The following NUBPL variants were observed in gnomAD, a reference collection of about 807,000 sequenced individuals.
NUBPL encodes the protein iron-sulfur cluster transfer protein NUBPL.
In NUBPL, 31 loss-of-function variants were observed where a neutral mutation model predicts 45.7. The ratio of observed to expected loss-of-function variants is 0.68; its 90% confidence interval spans 0.51 to 0.92. NUBPL has a LOEUF of 0.92. NUBPL is among the 40% of genes least tolerant of loss of function. NUBPL has a pLI of 0.00. For missense variants in NUBPL, 401 were observed against 398.7 expected (o/e 1.01, Z -0.05); for synonymous variants, 144 against 140.9 (o/e 1.02, Z -0.15).
intron 6 of NUBPL, among the ~76,000 whole-genome samples, chr14:31,712,234 G>A (rs1218970560): frequency 4.6e-5 from 7 of 152,164 alleles, no homozygotes; most frequent in Non-Finnish European, 1.0e-4. Flanking sequence ...TAGACACAGA[G>A]CGCTGATTGG....
intron 6 of NUBPL, among the ~76,000 whole-genome samples, chr14:31,701,422 C>T (rs1314764234): frequency 6.6e-6 from 1 of 152,226 alleles, no homozygotes; most frequent in Non-Finnish European, 1.5e-5. Context: ...TGGGTGGGGT[C>T]AGATAAGGGA....
chr14:31,756,808 G>T (rs1196776998), intron 6 of NUBPL, among the ~76,000 whole-genome samples: 1 of 151,924 alleles, frequency 6.6e-6, no homozygotes, highest in East Asian at 1.9e-4. Context: ...TCCAGTTTTT[G>T]CCCATTCAGT....
intron 6 of NUBPL, chr14:31,703,031 A>G (rs1054533104): frequency 6.6e-6 from 1 of 152,238 alleles, no homozygotes; most frequent in African/African-American, 2.4e-5. Flanking sequence ...ACTGTCTACT[A>G]GAGATTTAGG....
chr14:31,588,680 G>C (rs1400634057), intron 3 of NUBPL, among the ~76,000 whole-genome samples: 1 of 151,848 alleles, frequency 6.6e-6, no homozygotes, highest in African/African-American at 2.4e-5. Flanking sequence ...ACGTTGGGAG[G>C]CCAAGGTGGG....
chr14:31,830,042 C>T (rs2040165297), intron 8 of NUBPL, among the ~76,000 whole-genome samples: 1 of 152,184 alleles, frequency 6.6e-6, no homozygotes, highest in Non-Finnish European at 1.5e-5. Context: ...TGGAGCCCTT[C>T]TCCTACCATT....
chr14:31,705,779 C>T (rs12589227), intron 6 of NUBPL, among the ~76,000 whole-genome samples: 1 of 152,052 alleles, frequency 6.6e-6, no homozygotes, highest in Admixed American at 6.5e-5. Context: ...GGCTTCACCT[C>T]TCAATGGCAG....
intron 6 of NUBPL, among the ~76,000 whole-genome samples, chr14:31,759,960 G>A (rs529230145): frequency 6.6e-6 from 1 of 151,302 alleles, no homozygotes; most frequent in South Asian, 2.1e-4. Flanking sequence ...AATGCATTTT[G>A]ACTCACATTA....
chr14:31,735,927 A>C (rs1041385820), intron 6 of NUBPL, among the ~76,000 whole-genome samples: 2 of 152,178 alleles, frequency 1.3e-5, no homozygotes, highest in Admixed American at 1.3e-4. Flanking sequence ...TTGTATGATA[A>C]ATGTCTGAAA....
At chr14:31,838,279 CAAAAAAAA>C (rs748313330) in intron 8 of NUBPL, among the ~76,000 whole-genome samples, 18 of 60,268 alleles carry the variant, frequency 3.0e-4, no homozygotes, top group Non-Finnish European at 4.5e-4. Flanking sequence ...TAATATCCAG[CAAAAAAAA>C]AAAAAAAAAA....
At chr14:31,726,942 A>G (rs1421496919) in intron 6 of NUBPL, among the ~76,000 whole-genome samples, 1 of 152,112 alleles carries the variant, frequency 6.6e-6, no homozygotes, top group Non-Finnish European at 1.5e-5. Context: ...TAAATACTCA[A>G]CAGATATCAG....
At chr14:31,754,591 C>CT (rs59085679) in intron 6 of NUBPL, among the ~76,000 whole-genome samples, 6,691 of 103,654 alleles carry the variant, frequency 0.065, 251 homozygotes, top group Non-Finnish European at 0.091. Flanking sequence ...AGAGGGTTTT[C>CT]TTTTTTTTTT....
intron 7 of NUBPL, among the ~76,000 whole-genome samples, chr14:31,813,513 A>G (rs1461716208): frequency 6.6e-6 from 1 of 151,254 alleles, no homozygotes; most frequent in Non-Finnish European, 1.5e-5. Context: ...ACAGATATAT[A>G]TATATACACA....
At chr14:31,851,994 A>G (rs2040545386) in intron 10 of NUBPL, among the ~76,000 whole-genome samples, 1 of 152,224 alleles carries the variant, frequency 6.6e-6, no homozygotes, top group Non-Finnish European at 1.5e-5. Context: ...CAAAGATAAT[A>G]TGATTTAATA....
chr14:31,631,680 T>C (rs916124843), intron 4 of NUBPL, among the ~76,000 whole-genome samples: 20 of 152,090 alleles, frequency 1.3e-4, no homozygotes, highest in African/African-American at 4.6e-4. Flanking sequence ...AATTCCAGTC[T>C]GAGTCCAAGT....
chr14:31,643,600 T>G (rs2035765678), intron 4 of NUBPL, among the ~76,000 whole-genome samples: 1 of 152,102 alleles, frequency 6.6e-6, no homozygotes, highest in Non-Finnish European at 1.5e-5. Context: ...TGTTGTTGGG[T>G]CTATAGTTTT....
At chr14:31,761,358 T>A (rs1284288658) in intron 6 of NUBPL, among the ~76,000 whole-genome samples, 1 of 152,154 alleles carries the variant, frequency 6.6e-6, no homozygotes. Context: ...AAATTTTTTG[T>A]GTAGATGAGG....
At chr14:31,584,476 G>C (rs1473358762) in intron 3 of NUBPL, among the ~76,000 whole-genome samples, 1 of 152,126 alleles carries the variant, frequency 6.6e-6, no homozygotes, top group Non-Finnish European at 1.5e-5. Flanking sequence ...ATATTGTGCA[G>C]TTCTTCCATT....
intron 6 of NUBPL, among the ~76,000 whole-genome samples, chr14:31,775,096 A>G (rs923689907): frequency 1.3e-5 from 2 of 152,212 alleles, no homozygotes; most frequent in African/African-American, 4.8e-5. Flanking sequence ...ATGGCTTTGC[A>G]CAACAGCTCA....
chr14:31,634,368 T>C, intron 4 of NUBPL, among the ~76,000 whole-genome samples: 1 of 151,626 alleles, frequency 6.6e-6, no homozygotes, highest in Non-Finnish European at 1.5e-5. Flanking sequence ...GATAGTTTAC[T>C]GAGAATAATG....
Sources: allele counts gnomAD v4.1 joint callset (sites outside exome capture counted in the v4.1 genomes callset), GRCh38; gene constraint gnomAD v4.1.1; transcripts MANE v1.5; gene names NCBI Gene and HGNC (gene_info 2026-07-23, HGNC 2026-07-21).